Variants in PBX3 observed in about 807,000 individuals in gnomAD.
The protein encoded by PBX3 is PBX homeobox 3.
In PBX3, 14 loss-of-function variants were observed where a neutral mutation model predicts 48.5. The observed-to-expected ratio is 0.29, with a 90% CI of 0.19 to 0.45. PBX3 has a LOEUF of 0.45. PBX3 is among the 20% of genes least tolerant of loss of function. PBX3 has a pLI of 1.00. For missense variants in PBX3, 386 were observed against 546.7 expected, an observed-to-expected ratio of 0.71 and a Z score of 2.93; for synonymous variants, 210 against 200.3, an observed-to-expected ratio of 1.05 and a Z score of -0.41.
chr9:125,946,580 C>G (rs773475649), intron 5 of PBX3, among the ~76,000 whole-genome samples: 20 of 151,832 alleles, frequency 1.3e-4, no homozygotes, highest in Non-Finnish European at 2.5e-4. Flanking sequence ...AATTAAGAAC[C>G]CAGTGGATTG....
chr9:125,815,194 A>C (rs1310248811), intron 2 of PBX3, among the ~76,000 whole-genome samples: 1 of 152,234 alleles, frequency 6.6e-6, no homozygotes, highest in African/African-American at 2.4e-5. Flanking sequence ...AATATTTTTC[A>C]ACTAGTTAGC....
At chr9:125,798,653 CT>C (rs1254983242) in intron 2 of PBX3, among the ~76,000 whole-genome samples, 1 of 151,956 alleles carries the variant, frequency 6.6e-6, no homozygotes, top group African/African-American at 2.4e-5. Context: ...AAAATAGAAC[CT>C]TTAATGTATT....
At chr9:125,910,781 T>C (rs1841185717) in intron 2 of PBX3, among the ~76,000 whole-genome samples, 1 of 150,984 alleles carries the variant, frequency 6.6e-6, no homozygotes. Context: ...CATTTCCTCA[T>C]AATCTTTTAA....
At chr9:125,780,181 G>A (rs940203107) in intron 2 of PBX3, among the ~76,000 whole-genome samples, 19 of 137,442 alleles carry the variant, frequency 1.4e-4, no homozygotes, top group Admixed American at 1.1e-3. Context: ...GCGGCTGGCC[G>A]GGCGAGGTGC....
chr9:125,963,959 G>A (rs138560340), intron 8 of PBX3, among the ~76,000 whole-genome samples: 1 of 152,042 alleles, frequency 6.6e-6, no homozygotes, highest in East Asian at 1.9e-4. Context: ...TTTCTTTTTG[G>A]GCTTATAAAT....
intron 2 of PBX3, among the ~76,000 whole-genome samples, chr9:125,752,615 C>G (rs1401907142): frequency 6.6e-6 from 1 of 152,138 alleles, no homozygotes; most frequent in Non-Finnish European, 1.5e-5. Context: ...GGTTTAGAGA[C>G]TCTTTGGAGT....
intron 2 of PBX3, among the ~76,000 whole-genome samples, chr9:125,871,564 A>G (rs1446809585): frequency 6.6e-6 from 1 of 152,028 alleles, no homozygotes; most frequent in East Asian, 1.9e-4. Context: ...AGAAAACATT[A>G]TATAATTCCA....
At chr9:125,867,271 G>A (rs1487480635) in intron 2 of PBX3, among the ~76,000 whole-genome samples, 1 of 152,008 alleles carries the variant, frequency 6.6e-6, no homozygotes, top group Non-Finnish European at 1.5e-5. Context: ...TAGAAGCCAT[G>A]GGTAATACAT....
At chr9:125,776,562 C>A (rs10760401) in intron 2 of PBX3, among the ~76,000 whole-genome samples, 96,281 of 151,940 alleles carry the variant, frequency 0.63, 30,953 homozygotes, top group East Asian at 0.76. Flanking sequence ...TTTAAATGGG[C>A]TTTTGCTCTG....
intron 2 of PBX3, among the ~76,000 whole-genome samples, chr9:125,769,883 T>A (rs1351983255): frequency 1.3e-5 from 2 of 152,220 alleles, no homozygotes; most frequent in African/African-American, 2.4e-5. Flanking sequence ...GACTTTTTTT[T>A]AAACTGAGTG....
At chr9:125,875,731 C>A (rs1025130617) in intron 2 of PBX3, among the ~76,000 whole-genome samples, 2 of 152,006 alleles carry the variant, frequency 1.3e-5, no homozygotes, top group African/African-American at 4.8e-5. Context: ...TTAATTATTC[C>A]CCCCCACCTG....
chr9:125,823,083 C>T (rs1443847876), intron 2 of PBX3, among the ~76,000 whole-genome samples: 1 of 151,732 alleles, frequency 6.6e-6, no homozygotes, highest in Admixed American at 6.6e-5. Flanking sequence ...AAGTATGCCT[C>T]TTGTATGTGT....
intron 2 of PBX3, among the ~76,000 whole-genome samples, chr9:125,768,608 T>C (rs1215585163): frequency 2.0e-5 from 3 of 152,214 alleles, no homozygotes; most frequent in Non-Finnish European, 4.4e-5. Flanking sequence ...TTTTACACTT[T>C]TGCAAATCTT....
chr9:125,798,851 A>G (rs1236000495), intron 2 of PBX3, among the ~76,000 whole-genome samples: 1 of 151,860 alleles, frequency 6.6e-6, no homozygotes, highest in Non-Finnish European at 1.5e-5. Context: ...ATCTTACAAA[A>G]CAAACAAAAA....
chr9:125,833,052 A>G (rs528072965), intron 2 of PBX3, among the ~76,000 whole-genome samples: 1 of 152,350 alleles, frequency 6.6e-6, no homozygotes, highest in African/African-American at 2.4e-5. Flanking sequence ...CCGCTGTAGC[A>G]TGCAACTTGG....
At chr9:125,858,108 A>G (rs1388943398) in intron 2 of PBX3, among the ~76,000 whole-genome samples, 4 of 152,218 alleles carry the variant, frequency 2.6e-5, no homozygotes, top group Non-Finnish European at 4.4e-5. Context: ...TCACTCCTAT[A>G]ATCCCAGCAC....
chr9:125,865,718 GAGCACT>G, intron 2 of PBX3, among the ~76,000 whole-genome samples: 1 of 152,108 alleles, frequency 6.6e-6, no homozygotes, highest in Non-Finnish European at 1.5e-5. Context: ...CACCTGTCTG[GAGCACT>G]AAACTCATTT....
intron 2 of PBX3, among the ~76,000 whole-genome samples, chr9:125,780,335 C>T (rs1837227496): frequency 7.1e-6 from 1 of 141,714 alleles, no homozygotes; most frequent in African/African-American, 2.7e-5. Context: ...CGCCCCTCAC[C>T]TCCCGGACGG....
chr9:125,811,426 G>A (rs1255337505), intron 2 of PBX3, among the ~76,000 whole-genome samples: 1 of 152,006 alleles, frequency 6.6e-6, no homozygotes, highest in Non-Finnish European at 1.5e-5. Flanking sequence ...TGAATCATGG[G>A]GGTGGTTCCC....
Sources: gnomAD v4.1 joint callset for allele counts (sites outside exome capture counted in the v4.1 genomes callset) on GRCh38, gnomAD v4.1.1 for gene constraint, MANE v1.5 for transcripts, NCBI Gene and HGNC (gene_info 2026-07-23, HGNC 2026-07-21) for gene names.